KIRREL3: variants seen among roughly 807,000 people sequenced by gnomAD.
The protein encoded by KIRREL3 is kirre like nephrin family adhesion molecule 3.
Under a neutral mutation model 89.7 loss-of-function variants are expected in KIRREL3, and 36 were observed. The ratio of observed to expected loss-of-function variants is 0.40; its 90% CI spans 0.31 to 0.53. KIRREL3 has a LOEUF of 0.53. Ranked by LOEUF, KIRREL3 falls within the 20% of genes least tolerant of loss-of-function variation. The pLI is 0.49. For synonymous variants in KIRREL3, 445 were observed against 441.4 expected (o/e 1.01, Z -0.10); for missense variants, 864 against 1,056.6 (o/e 0.82, Z 2.53).
Position 126,496,799 on chromosome 11 carries a change from G to T in KIRREL3, c.434-23333C>A, listed in dbSNP as rs973164768. On this transcript the variant is annotated intron_variant, in intron 4 of 16. Transcript: ENST00000525144. The surrounding 1 kb of genome is among the most constrained non-coding windows in gnomAD (Gnocchi z 4.9). ...GTCAGGGCTGGGGAAGCTGGGCTCA[G>T]CCAGGGGACTGAGACATAGGTCACA... Among the ~76,000 whole-genome samples the T allele has an allele frequency of 2.6e-5, 4 of 152,174 alleles. No homozygotes were observed. Among genetic ancestry groups the T allele is most frequent in the Admixed American group, 6.5e-5 (1 of 15,276 alleles).
chr11:126,963,521 G>A (rs1345397160), intron 1 of KIRREL3, among the ~76,000 whole-genome samples: 1 of 152,106 alleles, frequency 6.6e-6, no homozygotes, highest in Non-Finnish European at 1.5e-5. Context: ...TCTGTGCAAC[G>A]TTTCTGAACA....
chr11:126,941,017 C>T (rs1948424490), intron 1 of KIRREL3: 1 of 152,158 alleles, frequency 6.6e-6, no homozygotes. Context: ...TTGATTGAAG[C>T]TTAGTCTGTT....
Position 126,812,480 on chromosome 11 carries a change from C to T in KIRREL3, c.55+187975G>A, listed in dbSNP as rs1371837916. ...AGAATGGTGAACCCTGAGCATCTTT[C>T]CCATGAAAGGCAAGACAGATGCACA... On this transcript the variant is annotated intron_variant, in intron 1 of 16. Coordinates refer to ENST00000525144, the MANE Select transcript of KIRREL3 (RefSeq NM_032531.4). The surrounding 1 kb of genome is among the most constrained non-coding windows in gnomAD (Gnocchi z 5.2). Among the ~76,000 whole-genome samples, 1 of 152,170 alleles carries T rather than the reference C, an allele frequency of 6.6e-6. No individual in the cohort carries two copies.
intron 1 of KIRREL3, among the ~76,000 whole-genome samples, chr11:126,927,288 C>T (rs1947762053): frequency 6.6e-6 from 1 of 152,208 alleles, no homozygotes; most frequent in African/African-American, 2.4e-5. Flanking sequence ...ATGCACACAA[C>T]ACACTATGCA....
intron 1 of KIRREL3, among the ~76,000 whole-genome samples, chr11:126,673,320 C>G (rs570022726): frequency 6.6e-6 from 1 of 152,216 alleles, no homozygotes; most frequent in African/African-American, 2.4e-5. Flanking sequence ...GTTATCTGGT[C>G]AGGACAGGTG....
chr11:126,451,328 TAGTG>T (rs1304215162), intron 7 of KIRREL3, among the ~76,000 whole-genome samples: 54 of 56,938 alleles, frequency 9.5e-4, no homozygotes, highest in Middle Eastern at 0.012. Context: ...TTGTGTGCAT[TAGTG>T]AGTGTGTGCA....
At position 126,446,837 on chromosome 11, in the gene KIRREL3, G is replaced by A. The variant is rs1187231359; in HGVS notation, c.1047C>T (p.Gly349=). The stretch of plus-strand genomic sequence containing the variant: ...AGGCGCAGCTGAAGATGGCATCAGA[G>A]CCCAGATCCACGAGCAAGGATTGGG... ...TEPQSLLVDL[G]SDAIFSCAWT... is the part of the protein sequence containing the mutation. The change falls in exon 9 of 17, where the codon GGC becomes GGT. Residue 349 remains glycine (G), a synonymous_variant. Transcript: ENST00000525144. The A allele has an allele frequency of 1.9e-6, 3 of 1,603,004 alleles. No individual in the cohort carries two copies. The Admixed American group carries it at 5.1e-5, about 27-fold the overall frequency.
At chr11:126,899,169 CTA>C (rs145812391) in intron 1 of KIRREL3, among the ~76,000 whole-genome samples, 2 of 150,324 alleles carry the variant, frequency 1.3e-5, no homozygotes, top group Non-Finnish European at 3.0e-5. Context: ...GGGAGATTTC[CTA>C]TATATATATA....
Position 126,860,429 on chromosome 11 carries a change from G to C in KIRREL3, c.55+140026C>G, listed in dbSNP as rs539042182. Reference sequence around the variant, plus strand: ...GATATTTAAGAGCCTCAGGTGTTGGGAAGGAATTTGCTGAATGAAGAAGGG... The same window carrying C: ...GATATTTAAGAGCCTCAGGTGTTGGCAAGGAATTTGCTGAATGAAGAAGGG... On this transcript the variant is annotated intron_variant, in intron 1 of 16. Transcript: ENST00000525144. The surrounding 1 kb of genome is among the most constrained non-coding windows in gnomAD (Gnocchi z 4.6). Among the ~76,000 whole-genome samples, 1 of 152,172 alleles carries C rather than the reference G, an allele frequency of 6.6e-6. No individual in the cohort carries two copies. Among genetic ancestry groups the C allele is most frequent in the Non-Finnish European group, 1.5e-5 (1 of 68,034 alleles).
intron 1 of KIRREL3, among the ~76,000 whole-genome samples, chr11:126,846,394 C>T (rs1046037490): frequency 7.2e-5 from 11 of 151,910 alleles, no homozygotes; most frequent in East Asian, 1.9e-4. Flanking sequence ...TTAATTAATT[C>T]GTTTAAAAAT....
At chr11:126,920,105 T>C (rs1031772198) in intron 1 of KIRREL3, 1 of 152,202 alleles carries the variant, frequency 6.6e-6, no homozygotes. Context: ...CTTCTTATTG[T>C]ACAGATGAAA....
Position 126,689,196 on chromosome 11 carries a change from G to C in KIRREL3, c.56-126284C>G, listed in dbSNP as rs530791244. ...CTGAGAATTGTTGTTTCAGGAACTAGAAAGAATCCTGGAAATAGTTAAGAA... is the reference window on the plus strand; with the variant it reads ...CTGAGAATTGTTGTTTCAGGAACTACAAAGAATCCTGGAAATAGTTAAGAA... On this transcript the variant is annotated intron_variant, in intron 1 of 16. Coordinates refer to ENST00000525144, the MANE Select transcript of KIRREL3 (RefSeq NM_032531.4). This position sits in a 1 kb window ranked among gnomAD's most constrained non-coding sequence, Gnocchi z 5.2. Among the ~76,000 whole-genome samples the C allele has an allele frequency of 3.9e-5, 6 of 152,270 alleles. No homozygotes were observed. The highest frequency in any genetic ancestry group is 1.4e-4 in the African/African-American group (6 of 41,554).
At position 126,905,375 on chromosome 11, in the gene KIRREL3, C is replaced by T. The variant is rs970357899; in HGVS notation, c.55+95080G>A. Among the ~76,000 whole-genome samples the T allele has an allele frequency of 6.6e-6, 1 of 152,134 alleles. No homozygotes were observed. The highest frequency in any genetic ancestry group is 2.1e-4 in the South Asian group (1 of 4,824). ...TTCAACTGCCTTCTTTTCTCATTTACACAACGCTATCCTGGGGTAAAGAGC... is the reference window on the plus strand; with the variant it reads ...TTCAACTGCCTTCTTTTCTCATTTATACAACGCTATCCTGGGGTAAAGAGC... On this transcript the variant is annotated intron_variant, in intron 1 of 16. Transcript: ENST00000525144. This position sits in a 1 kb window ranked among gnomAD's most constrained non-coding sequence, Gnocchi z 5.0.
At chr11:126,667,305 T>C (rs1334704433) in intron 1 of KIRREL3, among the ~76,000 whole-genome samples, 1 of 152,246 alleles carries the variant, frequency 6.6e-6, no homozygotes, top group East Asian at 1.9e-4. Context: ...CAGTTGGATA[T>C]TGAGTTGCTT....
At position 126,656,110 on chromosome 11, in the gene KIRREL3, T is replaced by G. The variant is rs1945124899; in HGVS notation, c.56-93198A>C. ...ACCTTATCTATGCTGTGCAAAGGAA[T>G]AAGAAACTAGTGCTGTCTCGGGAAC... is the stretch of plus-strand genomic sequence containing the variant. On this transcript the variant is annotated intron_variant, in intron 1 of 16. Coordinates refer to ENST00000525144, the MANE Select transcript of KIRREL3 (RefSeq NM_032531.4). This position sits in a 1 kb window ranked among gnomAD's most constrained non-coding sequence, Gnocchi z 4.0. The G allele has an allele frequency of 2.2e-6, 1 of 455,978 alleles. No homozygotes were observed. The highest frequency in any genetic ancestry group is 2.0e-5 in the African/African-American group (1 of 50,036). 28.2% of individuals were successfully genotyped at this position (455,978 alleles called of 1,614,324 possible).
intron 1 of KIRREL3, among the ~76,000 whole-genome samples, chr11:126,803,289 A>G (rs1382415347): frequency 1.3e-5 from 2 of 152,148 alleles, no homozygotes; most frequent in African/African-American, 4.8e-5. Flanking sequence ...GGCCCTGAAA[A>G]TGAGGAACAG....
Position 126,755,907 on chromosome 11 carries a change from G to A in KIRREL3, c.56-192995C>T, listed in dbSNP as rs989373260. 1.4e-4 allele frequency among the ~76,000 whole-genome samples: 21 copies of A among 151,056 alleles called. No individual in the cohort carries two copies. Among genetic ancestry groups the A allele is most frequent in the African/African-American group, 2.7e-4 (11 of 40,798 alleles). ...GAGAGAGAGAGAGAGAGAAGACTGA[G>A]CTGAGCACCCAGCACCTAATTTTGG... On this transcript the variant is annotated intron_variant, in intron 1 of 16. Coordinates refer to ENST00000525144, the MANE Select transcript of KIRREL3 (RefSeq NM_032531.4). The surrounding 1 kb of genome is among the most constrained non-coding windows in gnomAD (Gnocchi z 4.3).
intron 1 of KIRREL3, among the ~76,000 whole-genome samples, chr11:126,907,851 A>G (rs2134883373): frequency 6.6e-6 from 1 of 152,146 alleles, no homozygotes; most frequent in South Asian, 2.1e-4. Context: ...TCCCCCATCA[A>G]GTCCAGGCCC....
At chr11:126,621,485 A>G (rs532330973) in intron 1 of KIRREL3, among the ~76,000 whole-genome samples, 122 of 152,342 alleles carry the variant, frequency 8.0e-4, no homozygotes, top group Middle Eastern at 3.4e-3. Context: ...GGTAAGTGAT[A>G]TCTTAAAAGC....
Sources: gnomAD v4.1 joint callset for allele counts (sites outside exome capture counted in the v4.1 genomes callset) on GRCh38, gnomAD v4.1.1 for gene constraint, Gnocchi (gnomAD v3.1) non-coding constraint, MANE v1.5 for transcripts, NCBI Gene and HGNC (gene_info 2026-07-23, HGNC 2026-07-21) for gene names.